The following KSR1 variants were observed in gnomAD, a reference collection of about 807,000 sequenced individuals.
KSR1 encodes kinase suppressor of ras.
Under a neutral mutation model 92.9 loss-of-function variants are expected in KSR1, and 35 were observed. That is an observed-to-expected ratio of 0.38 (90% CI 0.29 to 0.50). The LOEUF is 0.50. KSR1 is among the 20% of genes least tolerant of loss of function. The pLI is 0.94. For missense variants in KSR1, 972 were observed against 1,158.5 expected, an observed-to-expected ratio of 0.84 and a Z score of 2.34; for synonymous variants, 467 against 472.6, an observed-to-expected ratio of 0.99 and a Z score of 0.15.
chr17:27,512,668 A>G (rs2069642555), intron 1 of KSR1, among the ~76,000 whole-genome samples: 1 of 152,226 alleles, frequency 6.6e-6, no homozygotes, highest in African/African-American at 2.4e-5. Flanking sequence ...GGTTGCAGTG[A>G]GCTGAGATCA....
intron 15 of KSR1, among the ~76,000 whole-genome samples, 156 bp from the exon 16 acceptor site, chr17:27,609,039 TC>T (rs1158147170): frequency 6.6e-6 from 1 of 152,212 alleles, no homozygotes; most frequent in East Asian, 1.9e-4. Context: ...CAAGTGACTT[TC>T]CCTCTCTGAA....
rs1041717335 is a variant in KSR1, at chr17:27,623,668, G to C, written c.*276G>C. 6 of 598,864 alleles carry C rather than the reference G, an allele frequency of 1.0e-5. No homozygotes were observed. In the Admixed American group the frequency reaches 1.9e-4, roughly 19 times the overall value. The allele number at this position is 598,864 out of a possible 1,614,324, so 37.1% of individuals were successfully genotyped here. Reference sequence around the variant, plus strand: ...TGAGTGAACCTGATGTTTTACAATAGGTAATAATAAAAACAGTCTGTGCAG... The same window carrying C: ...TGAGTGAACCTGATGTTTTACAATACGTAATAATAAAAACAGTCTGTGCAG... On this transcript the variant is annotated 3_prime_UTR_variant, in exon 21 of 21. Transcript: ENST00000644974.
At chr17:27,560,184 T>G (rs758819702) in intron 2 of KSR1, 2 of 316,344 alleles carry the variant, frequency 6.3e-6, no homozygotes, top group Non-Finnish European at 1.2e-5. Context: ...AGCGGCCCCC[T>G]GTCCCACAAG....
intron 11 of KSR1, among the ~76,000 whole-genome samples, chr17:27,603,512 G>T (rs1262521100): frequency 6.6e-6 from 1 of 152,238 alleles, no homozygotes; most frequent in Non-Finnish European, 1.5e-5. Context: ...CTTGCTTGGT[G>T]GGGGGCAGTT....
intron 1 of KSR1, among the ~76,000 whole-genome samples, chr17:27,520,995 A>T (rs2070002856): frequency 6.6e-6 from 1 of 152,180 alleles, no homozygotes. Context: ...TGCCTTGGGC[A>T]GTCTGTGGAA....
intron 1 of KSR1, among the ~76,000 whole-genome samples, chr17:27,461,841 G>A (rs963279872): frequency 2.4e-4 from 16 of 66,566 alleles, no homozygotes; most frequent in East Asian, 1.2e-3. Flanking sequence ...AGGAAAGTGC[G>A]CCGCAGGTAT....
At chr17:27,535,437 T>C (rs889998953) in intron 1 of KSR1, among the ~76,000 whole-genome samples, 4 of 152,202 alleles carry the variant, frequency 2.6e-5, no homozygotes, top group Non-Finnish European at 4.4e-5. Context: ...CATGGTGGTT[T>C]GGTGCCAGAG....
intron 15 of KSR1, 144 bp downstream of exon 15, chr17:27,608,154 C>G: frequency 1.6e-6 from 1 of 621,762 alleles, no homozygotes. Context: ...GGGTGGGACC[C>G]CATCTCTTCC....
intron 1 of KSR1, among the ~76,000 whole-genome samples, chr17:27,550,114 A>G (rs1434161484): frequency 6.6e-6 from 1 of 152,162 alleles, no homozygotes; most frequent in Non-Finnish European, 1.5e-5. Flanking sequence ...ATGATGGCTC[A>G]CTGCAGCCTT....
At chr17:27,487,932 G>T (rs539375989) in intron 1 of KSR1, among the ~76,000 whole-genome samples, 79 of 152,200 alleles carry the variant, frequency 5.2e-4, no homozygotes, top group Non-Finnish European at 7.9e-4. Context: ...ATTCATGAGG[G>T]ATCCACCCCC....
At chr17:27,594,670 C>T (rs752043809) in intron 9 of KSR1, among the ~76,000 whole-genome samples, 59 of 152,180 alleles carry the variant, frequency 3.9e-4, no homozygotes, top group Non-Finnish European at 6.9e-4. Context: ...TGAGTTCTCA[C>T]TAGGGGCCAC....
chr17:27,526,966 C>T, intron 1 of KSR1: 1 of 581,326 alleles, frequency 1.7e-6, no homozygotes, highest in Non-Finnish European at 3.2e-6. Flanking sequence ...CTTTCATGGG[C>T]CATAATTGTT....
At chr17:27,473,755 C>T (rs774669641) in intron 1 of KSR1, among the ~76,000 whole-genome samples, 2 of 152,048 alleles carry the variant, frequency 1.3e-5, no homozygotes, top group African/African-American at 2.4e-5. Context: ...CATGACTCAC[C>T]GTGGCACAGG....
Position 27,577,735 on chromosome 17 carries a change from C to T in KSR1, c.520+96C>T. On this transcript the variant is annotated intron_variant, in intron 3 of 20. Transcript: ENST00000644974. This position sits in a 1 kb window ranked among gnomAD's most constrained non-coding sequence, Gnocchi z 4.5. ...GGTGATGGAGCGGGGCAAGCGTGGCCCAGGGTTTCTGGGGCAGCCTGGAAA... is the reference window on the plus strand; with the variant it reads ...GGTGATGGAGCGGGGCAAGCGTGGCTCAGGGTTTCTGGGGCAGCCTGGAAA... The T allele has an allele frequency of 9.1e-7, 1 of 1,095,372 alleles. No homozygotes were observed. The highest frequency in any genetic ancestry group is 1.3e-6 in the Non-Finnish European group (1 of 744,320). 67.9% of individuals were successfully genotyped at this position (1,095,372 alleles called of 1,614,324 possible). A position where few individuals can be genotyped will look rare whatever the true frequency, so the allele number is the denominator to read the frequency against.
chr17:27,543,874 G>A (rs1260081401), intron 1 of KSR1, among the ~76,000 whole-genome samples: 1 of 152,118 alleles, frequency 6.6e-6, no homozygotes, highest in African/African-American at 2.4e-5. Context: ...CTGATGCGTG[G>A]GTTCCTCCAG....
intron 1 of KSR1, among the ~76,000 whole-genome samples, chr17:27,505,632 G>A (rs1385702991): frequency 6.6e-6 from 1 of 152,248 alleles, no homozygotes; most frequent in Non-Finnish European, 1.5e-5. Context: ...GTAAAATGGG[G>A]ATGGTAGCAG....
At chr17:27,503,365 A>G (rs961882376) in intron 1 of KSR1, among the ~76,000 whole-genome samples, 3 of 152,152 alleles carry the variant, frequency 2.0e-5, no homozygotes, top group East Asian at 3.9e-4. Context: ...ACCTCCTGCA[A>G]CAAAGAATTA....
chr17:27,618,441 C>G (rs981307806), intron 19 of KSR1, among the ~76,000 whole-genome samples: 2 of 152,190 alleles, frequency 1.3e-5, no homozygotes, highest in African/African-American at 4.8e-5. Flanking sequence ...TAAAAAGTCT[C>G]TGGGCTAGGG....
intron 2 of KSR1, chr17:27,560,530 G>A: frequency 1.9e-6 from 1 of 517,000 alleles, no homozygotes; most frequent in South Asian, 1.4e-5. Flanking sequence ...GCGTTCCTGT[G>A]TTTAAGATGA....
Sources: gnomAD v4.1 joint callset for allele counts (sites outside exome capture counted in the v4.1 genomes callset) on GRCh38, gnomAD v4.1.1 for gene constraint, Gnocchi (gnomAD v3.1) non-coding constraint, MANE v1.5 for transcripts, NCBI Gene and HGNC (gene_info 2026-07-23, HGNC 2026-07-21) for gene names.